Variants in SPTBN1 observed in about 807,000 individuals in gnomAD.
SPTBN1 encodes spectrin beta chain, non-erythrocytic 1.
SPTBN1 carries 32 observed loss-of-function variants against 266.4 expected under a neutral mutation model. The ratio of observed to expected loss-of-function variants is 0.12; its 90% CI spans 0.09 to 0.16. The LOEUF (loss-of-function observed/expected upper bound fraction) is 0.16, where lower values mean the gene tolerates loss of function less well. Among genes scored for constraint, SPTBN1 ranks in the 10% least tolerant of loss-of-function variants. The pLI, the probability that SPTBN1 is intolerant of heterozygous loss-of-function variation, is 1.00. For synonymous variants in SPTBN1, 1,336 were observed against 1,162.2 expected, an observed-to-expected ratio of 1.15 and a Z score of -3.04; for missense variants, 2,296 against 3,067.1, an observed-to-expected ratio of 0.75 and a Z score of 5.94.
At chr2:54,464,694 C>A (rs1001796054) in intron 1 of SPTBN1, among the ~76,000 whole-genome samples, 1 of 151,762 alleles carries the variant, frequency 6.6e-6, no homozygotes, top group African/African-American at 2.4e-5. Context: ...ATTTTGTTTT[C>A]TTTTGTTTTG....
chr2:54,602,119 A>T (rs181551159), intron 3 of SPTBN1, among the ~76,000 whole-genome samples: 67 of 152,302 alleles, frequency 4.4e-4, no homozygotes, highest in Middle Eastern at 3.4e-3. Context: ...TCAGGATTAG[A>T]TTGATTAGAA....
intron 2 of SPTBN1, among the ~76,000 whole-genome samples, chr2:54,551,607 G>T (rs939160246): frequency 1.3e-5 from 2 of 152,130 alleles, no homozygotes; most frequent in Non-Finnish European, 2.9e-5. Flanking sequence ...CAGGTGTTTT[G>T]TATTCAGGTC....
chr2:54,606,259 A>G (rs1056724598), intron 3 of SPTBN1, among the ~76,000 whole-genome samples: 1 of 152,148 alleles, frequency 6.6e-6, no homozygotes, highest in East Asian at 1.9e-4. Flanking sequence ...GTCCCCATCT[A>G]TTCATTATTC....
intron 2 of SPTBN1, among the ~76,000 whole-genome samples, chr2:54,531,186 G>A (rs1036744797): frequency 2.6e-5 from 4 of 152,130 alleles, no homozygotes; most frequent in South Asian, 2.1e-4. Flanking sequence ...GAACCTGAGG[G>A]GGTTCTTGGG....
At chr2:54,530,020 T>C (rs928821574) in intron 2 of SPTBN1, among the ~76,000 whole-genome samples, 1 of 152,124 alleles carries the variant, frequency 6.6e-6, no homozygotes, top group Non-Finnish European at 1.5e-5. Context: ...GGGTTTCTGC[T>C]GAACATGCAT....
chr2:54,497,450 C>G (rs576918346), intron 1 of SPTBN1, among the ~76,000 whole-genome samples: 2 of 152,196 alleles, frequency 1.3e-5, no homozygotes, highest in South Asian at 4.1e-4. Context: ...AGGGAGTCAC[C>G]TCTTTATTGA....
intron 1 of SPTBN1, among the ~76,000 whole-genome samples, chr2:54,523,308 T>G (rs2104305459): frequency 6.6e-6 from 1 of 152,344 alleles, no homozygotes; most frequent in Non-Finnish European, 1.5e-5. Flanking sequence ...TAATTGAGAT[T>G]GAGTATGTCT....
chr2:54,599,065 G>T (rs1558413481), intron 2 of SPTBN1, 27 bp from the exon 3 acceptor site: 13 of 1,611,584 alleles, frequency 8.1e-6, no homozygotes, highest in Admixed American at 1.7e-5. Flanking sequence ...GTGGTCAATG[G>T]TAAAACAAGT....
chr2:54,483,919 G>A (rs1668219046), intron 1 of SPTBN1, among the ~76,000 whole-genome samples: 1 of 152,188 alleles, frequency 6.6e-6, no homozygotes, highest in African/African-American at 2.4e-5. Context: ...TTGGGGCTGG[G>A]CATGGTAGCT....
At chr2:54,585,392 C>T (rs1675222344) in intron 2 of SPTBN1, among the ~76,000 whole-genome samples, 1 of 151,120 alleles carries the variant, frequency 6.6e-6, no homozygotes, top group Non-Finnish European at 1.5e-5. Context: ...GGGGTTGAAT[C>T]TGAGGTCATT....
chr2:54,481,991 C>T (rs1668125815), intron 1 of SPTBN1, among the ~76,000 whole-genome samples: 1 of 152,168 alleles, frequency 6.6e-6, no homozygotes, highest in Non-Finnish European at 1.5e-5. Flanking sequence ...TATAAAGCAG[C>T]CCATTTTTTG....
At chr2:54,598,553 C>T (rs545958180) in intron 2 of SPTBN1, among the ~76,000 whole-genome samples, 1 of 152,292 alleles carries the variant, frequency 6.6e-6, no homozygotes, top group East Asian at 1.9e-4. Flanking sequence ...TCCAGTGTTG[C>T]CCAATCCTTT....
At chr2:54,506,894 C>CTCTTTTTTT (rs5831310) in intron 1 of SPTBN1, among the ~76,000 whole-genome samples, 45,650 of 133,212 alleles carry the variant, frequency 0.34, 8,322 homozygotes, top group Admixed American at 0.38. Flanking sequence ...GGTTCTCTCT[C>CTCTTTTTTT]TTTTTTTTTT....
chr2:54,578,445 G>A (rs1457688368), intron 2 of SPTBN1, among the ~76,000 whole-genome samples: 10 of 152,166 alleles, frequency 6.6e-5, no homozygotes. Flanking sequence ...GATAATCCCT[G>A]TTTCCGGTTA....
chr2:54,667,521 T>C (rs559847977), intron 34 of SPTBN1, 83 bp from the exon 35 acceptor site: 2 of 1,349,848 alleles, frequency 1.5e-6, no homozygotes, highest in Non-Finnish European at 2.1e-6. Context: ...GGTCTACTTC[T>C]GTCCTGCATG....
At chr2:54,576,478 C>G (rs756118949) in intron 2 of SPTBN1, among the ~76,000 whole-genome samples, 1 of 151,886 alleles carries the variant, frequency 6.6e-6, no homozygotes, top group Non-Finnish European at 1.5e-5. Context: ...TTTTTTTACT[C>G]TATACTTTGA....
At chr2:54,581,616 T>C (rs1226537413) in intron 2 of SPTBN1, among the ~76,000 whole-genome samples, 1 of 144,986 alleles carries the variant, frequency 6.9e-6, no homozygotes, top group Non-Finnish European at 1.5e-5. Flanking sequence ...TTTTATTTGC[T>C]CTGGGACCAC....
chr2:54,526,243 A>G, intron 1 of SPTBN1, 129 bp from the exon 2 acceptor site: 1 of 695,442 alleles, frequency 1.4e-6, no homozygotes. Flanking sequence ...ACCTAAAACC[A>G]GCATTGCTCC....
chr2:54,598,057 T>A (rs138011189), intron 2 of SPTBN1, among the ~76,000 whole-genome samples: 28 of 152,270 alleles, frequency 1.8e-4, no homozygotes, highest in Non-Finnish European at 3.4e-4. Context: ...TGGATGTCTG[T>A]TGAAGGTCTT....
Sources: gnomAD v4.1 joint callset for allele counts (sites outside exome capture counted in the v4.1 genomes callset) on GRCh38, gnomAD v4.1.1 for gene constraint, MANE v1.5 for transcripts, NCBI Gene and HGNC (gene_info 2026-07-23, HGNC 2026-07-21) for gene names.